Variants in SMARCA5 observed in about 807,000 individuals in gnomAD.
SMARCA5 encodes SWI/SNF-related matrix-associated actin-dependent regulator of chromatin subfamily A member 5.
Under a neutral mutation model 140.4 loss-of-function variants are expected in SMARCA5, and 18 were observed. The observed-to-expected ratio is 0.13, with a 90% confidence interval of 0.09 to 0.19. The LOEUF is 0.19. Among genes scored for constraint, SMARCA5 ranks in the 10% least tolerant of loss-of-function variants. The pLI, the probability that SMARCA5 is intolerant of heterozygous loss-of-function variation, is 1.00. For missense variants in SMARCA5, 606 were observed against 1,276.8 expected, an observed-to-expected ratio of 0.47 and a Z score of 8.01; for synonymous variants, 449 against 419.6, an observed-to-expected ratio of 1.07 and a Z score of -0.86.
Position 143,521,609 on chromosome 4 carries a change from T to G in SMARCA5, c.419+14T>G. ...ATCCGTTGGCGAGTGAGTAATAGTT[T>G]AAACTTCATAGTTCAACCAAACTTA... On this transcript the variant is annotated intron_variant, in intron 3 of 23. Coordinates refer to ENST00000283131, the MANE Select transcript of SMARCA5 (RefSeq NM_003601.4). 1 of 1,590,876 alleles carries G rather than the reference T, an allele frequency of 6.3e-7. No homozygotes were observed. The highest frequency in any genetic ancestry group is 8.6e-7 in the Non-Finnish European group (1 of 1,168,114).
chr4:143,548,162 G>A (rs1402405854), intron 22 of SMARCA5, 22 bp downstream of exon 22: 2 of 1,435,660 alleles, frequency 1.4e-6, no homozygotes, highest in East Asian at 2.3e-5. Flanking sequence ...GGGCTTTTTT[G>A]TGTAATGTAG....
chr4:143,536,922 A>C (rs1737319208), intron 11 of SMARCA5, among the ~76,000 whole-genome samples: 1 of 152,186 alleles, frequency 6.6e-6, no homozygotes, highest in African/African-American at 2.4e-5. Context: ...TTCATACTTT[A>C]TATATACTTT....
At position 143,543,989 on chromosome 4, in the gene SMARCA5, T is replaced by C. The variant is rs1032763607; in HGVS notation, c.2172+17T>C. The C allele has an allele frequency of 3.3e-6, 5 of 1,526,496 alleles. No individual in the cohort carries two copies. The highest frequency in any genetic ancestry group is 4.4e-6 in the Non-Finnish European group (5 of 1,135,878). 94.6% of individuals were successfully genotyped at this position (1,526,496 alleles called of 1,614,324 possible). A position where few individuals can be genotyped will look rare whatever the true frequency, so the allele number is the denominator to read the frequency against. ...AAACAAAAGGTAATTTAGAAATAGG[T>C]TTGGGTTACATGAAAGCTTTATTTT... On this transcript the variant is annotated intron_variant, in intron 16 of 23. Transcript: ENST00000283131.
chr4:143,531,112 G>A (rs565960032), intron 9 of SMARCA5, among the ~76,000 whole-genome samples: 23 of 152,274 alleles, frequency 1.5e-4, no homozygotes, highest in Non-Finnish European at 1.5e-5. Context: ...GAGCCACCAC[G>A]CCCGGCCTTA....
chr4:143,529,627 T>C (rs549019719), intron 8 of SMARCA5, among the ~76,000 whole-genome samples: 23 of 152,252 alleles, frequency 1.5e-4, no homozygotes, highest in Admixed American at 3.3e-4. Context: ...CCTGGACCAG[T>C]GTTTATTTTT....
chr4:143,533,690 A>G (rs550359184), intron 9 of SMARCA5, among the ~76,000 whole-genome samples: 2 of 151,776 alleles, frequency 1.3e-5, no homozygotes, highest in South Asian at 2.1e-4. Flanking sequence ...TGTATTTTTA[A>G]TAGAGACGGG....
intron 1 of SMARCA5, among the ~76,000 whole-genome samples, chr4:143,515,191 C>A (rs1474652487): frequency 6.6e-6 from 1 of 151,988 alleles, no homozygotes; most frequent in South Asian, 2.1e-4. Flanking sequence ...AAAATGGTAG[C>A]GTAATTTACC....
chr4:143,544,666 A>C, intron 16 of SMARCA5, 71 bp from the exon 17 acceptor site: 2 of 857,256 alleles, frequency 2.3e-6, no homozygotes, highest in South Asian at 2.9e-5. Flanking sequence ...ATTTACAAAC[A>C]TCCTTCTTGA....
chr4:143,517,750 A>G (rs746832542), intron 2 of SMARCA5, among the ~76,000 whole-genome samples: 2 of 152,112 alleles, frequency 1.3e-5, no homozygotes, highest in African/African-American at 2.4e-5. Flanking sequence ...TCTTTTCCTA[A>G]TCACCTCTTA....
At chr4:143,549,850 G>A (rs561905776) in intron 22 of SMARCA5, 147 bp from the exon 23 acceptor site, 92 of 505,658 alleles carry the variant, frequency 1.8e-4, no homozygotes, top group Non-Finnish European at 2.5e-5. Context: ...AGCATGAATT[G>A]TATATGAAAA....
Position 143,555,265 on chromosome 4 carries a change from C to T in SMARCA5, c.*2081C>T. The T allele has an allele frequency of 2.3e-6, 2 of 857,902 alleles. No homozygotes were observed. The allele number at this position is 857,902 out of a possible 1,614,324, so 53.1% of individuals were successfully genotyped here. ...CCTTCATGGGTCCAAAATTTGAAGA[C>T]TGATTGTTGTCATTGCCAAAATCAT... On this transcript the variant is annotated 3_prime_UTR_variant, in exon 24 of 24. Transcript: ENST00000283131.
intron 9 of SMARCA5, among the ~76,000 whole-genome samples, chr4:143,534,179 A>G (rs1002957044): frequency 6.6e-6 from 1 of 152,022 alleles, no homozygotes; most frequent in Non-Finnish European, 1.5e-5. Context: ...ACATAATGCT[A>G]TTGCACACTT....
chr4:143,522,511 G>A (rs1350527238), intron 3 of SMARCA5, among the ~76,000 whole-genome samples: 2 of 152,200 alleles, frequency 1.3e-5, no homozygotes, highest in African/African-American at 4.8e-5. Context: ...AAAGAGGGAA[G>A]TATGATCTTC....
intron 22 of SMARCA5, 85 bp downstream of exon 22, chr4:143,548,225 A>AATC: frequency 1.3e-6 from 1 of 755,158 alleles, no homozygotes. Flanking sequence ...ACTTTAAAAA[A>AATC]ATCTATGAAG....
Position 143,555,918 on chromosome 4 carries a change from C to A in SMARCA5, c.*2734C>A, listed in dbSNP as rs548902998. On this transcript the variant is annotated 3_prime_UTR_variant, in exon 24 of 24. Transcript: ENST00000283131. ...TCAACCTCTCAAAGTGCTGGGATTA[C>A]ATGTGTAAGCCTACATTCCAAAGTG... The A allele has an allele frequency of 5.2e-5, 8 of 153,066 alleles. No individual in the cohort carries two copies. The highest frequency in any genetic ancestry group is 1.9e-4 in the African/African-American group (8 of 41,568). The allele number at this position is 153,066 out of a possible 1,614,324, so 9.5% of individuals were successfully genotyped here. A position where few individuals can be genotyped will look rare whatever the true frequency, so the allele number is the denominator to read the frequency against.
chr4:143,537,854 G>A (rs1420553724), intron 11 of SMARCA5, among the ~76,000 whole-genome samples: 1 of 150,602 alleles, frequency 6.6e-6, no homozygotes, highest in African/African-American at 2.5e-5. Flanking sequence ...GGAGGCAGAG[G>A]TTGCAGTGAA....
chr4:143,525,372 A>T, intron 4 of SMARCA5, 79 bp from the exon 5 acceptor site: 1 of 861,652 alleles, frequency 1.2e-6, no homozygotes, highest in Non-Finnish European at 2.0e-6. Context: ...AAGTCAGTAG[A>T]TATGTGTAGG....
In SMARCA5 at chr4:143,525,897, A is replaced by G. The variant is rs139966833; in HGVS notation, c.621+346A>G. ...CCAGGTGGTAGCTTGTACAATTCTT[A>G]GAAAACATTTATCTTTTGTTAACTA... On this transcript the variant is annotated intron_variant, in intron 5 of 23. Transcript: ENST00000283131. Among the ~76,000 whole-genome samples, 484 of 152,336 alleles carry G rather than the reference A, an allele frequency of 3.2e-3. 3 individuals are homozygous for G. The highest frequency in any genetic ancestry group is 4.0e-3 in the Non-Finnish European group (275 of 68,028).
intron 23 of SMARCA5, among the ~76,000 whole-genome samples, chr4:143,550,851 C>T (rs549971890): frequency 6.6e-6 from 1 of 152,186 alleles, no homozygotes; most frequent in South Asian, 2.1e-4. Context: ...TAGGTTGCTT[C>T]CAAATCATGG....
Sources: allele counts gnomAD v4.1 joint callset (sites outside exome capture counted in the v4.1 genomes callset), GRCh38; gene constraint gnomAD v4.1.1; transcripts MANE v1.5; gene names NCBI Gene and HGNC (gene_info 2026-07-23, HGNC 2026-07-21).